The following NBEA variants were observed in gnomAD, a reference collection of about 807,000 sequenced individuals.
NBEA encodes neurobeachin.
In NBEA, 44 loss-of-function variants were observed where a neutral mutation model predicts 343.4. The ratio of observed to expected loss-of-function variants is 0.13; its 90% confidence interval spans 0.10 to 0.16. NBEA has a LOEUF of 0.16. Ranked by LOEUF, NBEA falls within the 10% of genes least tolerant of loss-of-function variation. NBEA has a pLI of 1.00. For missense variants in NBEA, 2,555 were observed against 3,631.3 expected (o/e 0.70, Z 7.62); for synonymous variants, 1,175 against 1,238.7 (o/e 0.95, Z 1.08).
chr13:35,088,207 G>A (rs2064872715), intron 10 of NBEA, among the ~76,000 whole-genome samples: 1 of 151,838 alleles, frequency 6.6e-6, no homozygotes, highest in South Asian at 2.1e-4. Context: ...ACTTCAGTGA[G>A]CAATTGGATA....
At chr13:35,449,902 G>A (rs1027256137) in intron 39 of NBEA, among the ~76,000 whole-genome samples, 12 of 152,068 alleles carry the variant, frequency 7.9e-5, no homozygotes, top group African/African-American at 2.9e-4. Flanking sequence ...TTTAAGGTAC[G>A]CATTAACCAT....
intron 41 of NBEA, among the ~76,000 whole-genome samples, chr13:35,508,919 A>G (rs953589810): frequency 1.4e-4 from 22 of 152,174 alleles, no homozygotes; most frequent in African/African-American, 5.1e-4. Context: ...CTGGGGCTCC[A>G]ATATCAGAGT....
chr13:35,091,882 A>G (rs1464853896), intron 10 of NBEA, among the ~76,000 whole-genome samples: 2 of 152,028 alleles, frequency 1.3e-5, no homozygotes, highest in Non-Finnish European at 2.9e-5. Context: ...CATAATAACA[A>G]TTAAAATCCT....
intron 36 of NBEA, among the ~76,000 whole-genome samples, chr13:35,310,985 T>C (rs927393046): frequency 1.3e-5 from 2 of 152,186 alleles, no homozygotes; most frequent in Non-Finnish European, 2.9e-5. Flanking sequence ...CAATTTATCT[T>C]ATTTTATATT....
At chr13:35,459,009 C>CA (rs1466528445) in intron 40 of NBEA, among the ~76,000 whole-genome samples, 2 of 106,260 alleles carry the variant, frequency 1.9e-5, no homozygotes, top group African/African-American at 4.6e-5. Flanking sequence ...ACCACCGCCC[C>CA]CCCCCCCCCA....
chr13:35,190,318 C>T (rs73167779), intron 30 of NBEA, among the ~76,000 whole-genome samples: 3 of 152,018 alleles, frequency 2.0e-5, no homozygotes, highest in African/African-American at 7.2e-5. Context: ...AATGAGATAT[C>T]CATATTCCCA....
At chr13:35,474,831 A>G in intron 41 of NBEA, 1 of 519,124 alleles carries the variant, frequency 1.9e-6, no homozygotes, top group Non-Finnish European at 3.4e-6. Flanking sequence ...TCGTGTGGAA[A>G]GAAGTCTTCT....
chr13:35,524,246 G>GA (rs2077860691), intron 41 of NBEA, among the ~76,000 whole-genome samples: 1 of 152,136 alleles, frequency 6.6e-6, no homozygotes, highest in Non-Finnish European at 1.5e-5. Flanking sequence ...CAAAGAAAAA[G>GA]AAAAAGATTC....
At chr13:35,078,559 C>A (rs1291087823) in intron 10 of NBEA, among the ~76,000 whole-genome samples, 1 of 152,170 alleles carries the variant, frequency 6.6e-6, no homozygotes, top group Non-Finnish European at 1.5e-5. Flanking sequence ...CCAAGCCCAA[C>A]TTCAATGAGG....
At chr13:35,451,035 G>A (rs1249568052) in intron 39 of NBEA, among the ~76,000 whole-genome samples, 1 of 152,122 alleles carries the variant, frequency 6.6e-6, no homozygotes, top group African/African-American at 2.4e-5. Context: ...CTAACTTAAC[G>A]CATTAATGCC....
intron 11 of NBEA, among the ~76,000 whole-genome samples, chr13:35,103,091 A>G (rs1400340892): frequency 2.6e-5 from 4 of 151,776 alleles, no homozygotes; most frequent in Non-Finnish European, 5.9e-5. Context: ...ACAGGATTTT[A>G]TATAACATCT....
intron 41 of NBEA, among the ~76,000 whole-genome samples, chr13:35,508,035 T>C (rs2077137678): frequency 6.6e-6 from 1 of 152,192 alleles, no homozygotes; most frequent in Admixed American, 6.5e-5. Context: ...TTTGTTTCAT[T>C]ATTACCCTTA....
At chr13:35,084,960 T>G (rs1032644868) in intron 10 of NBEA, among the ~76,000 whole-genome samples, 3 of 152,088 alleles carry the variant, frequency 2.0e-5, no homozygotes, top group Admixed American at 6.6e-5. Context: ...AACACCTCTA[T>G]GCAAATAAAC....
intron 1 of NBEA, among the ~76,000 whole-genome samples, chr13:35,023,502 G>A (rs1430859277): frequency 1.3e-5 from 2 of 152,010 alleles, no homozygotes; most frequent in African/African-American, 4.8e-5. Flanking sequence ...AAAAGTATGC[G>A]ATCATAGAGG....
intron 17 of NBEA, among the ~76,000 whole-genome samples, chr13:35,141,461 T>C (rs1366031751): frequency 6.6e-6 from 1 of 152,122 alleles, no homozygotes; most frequent in Non-Finnish European, 1.5e-5. Context: ...GAGATGGGGT[T>C]TCACCACATT....
intron 55 of NBEA, among the ~76,000 whole-genome samples, chr13:35,660,001 G>A (rs1353201285): frequency 3.9e-5 from 6 of 152,196 alleles, no homozygotes. Context: ...TTTTTTGTCA[G>A]GTAGGTATCT....
intron 31 of NBEA, among the ~76,000 whole-genome samples, chr13:35,201,928 CT>C (rs1314635759): frequency 7.9e-5 from 12 of 151,968 alleles, no homozygotes; most frequent in Admixed American, 7.9e-4. Flanking sequence ...CCAAATTTAT[CT>C]TTTACATTTA....
chr13:35,547,979 G>T (rs2079140244), intron 41 of NBEA, among the ~76,000 whole-genome samples: 2 of 152,160 alleles, frequency 1.3e-5, no homozygotes, highest in Admixed American at 1.3e-4. Flanking sequence ...GGTGAGGGAA[G>T]TACTGAGAAA....
intron 11 of NBEA, among the ~76,000 whole-genome samples, chr13:35,105,680 T>C (rs535737035): frequency 1.9e-4 from 29 of 152,074 alleles, no homozygotes; most frequent in Admixed American, 3.9e-4. Context: ...GAGCTGATCA[T>C]TGCCTGCCAC....
Sources: gnomAD v4.1 joint callset for allele counts (sites outside exome capture counted in the v4.1 genomes callset) on GRCh38, gnomAD v4.1.1 for gene constraint, MANE v1.5 for transcripts, NCBI Gene and HGNC (gene_info 2026-07-23, HGNC 2026-07-21) for gene names.